Variants in CHD4 observed in about 807,000 individuals in gnomAD.
The protein encoded by CHD4 is ATP-dependent chromatin remodeler CHD4.
Under a neutral mutation model 235.5 loss-of-function variants are expected in CHD4, and 35 were observed. That is an observed-to-expected ratio of 0.15 (90% CI 0.11 to 0.20). The LOEUF is 0.20. CHD4 is among the 10% of genes least tolerant of loss of function. The pLI, the probability that CHD4 is intolerant of heterozygous loss-of-function variation, is 1.00. For missense variants in CHD4, 1,329 were observed against 2,432.3 expected, an observed-to-expected ratio of 0.55 and a Z score of 9.54; for synonymous variants, 900 against 850.2, an observed-to-expected ratio of 1.06 and a Z score of -1.02.
At chr12:6,602,326 G>A in intron 3 of CHD4, 50 bp downstream of exon 3, 1 of 1,610,314 alleles carries the variant, frequency 6.2e-7, no homozygotes, top group South Asian at 1.1e-5. Flanking sequence ...CCTTCTCAGA[G>A]CTCCTCCCTT....
chr12:6,588,795 T>C lies in CHD4; in HGVS notation c.3341-373A>G, dbSNP rs528997777. 5.7e-4 allele frequency among the ~76,000 whole-genome samples: 85 copies of C among 149,372 alleles called. No homozygotes were observed. The South Asian group carries it at 9.4e-3, about 17-fold the overall frequency. On this transcript the variant is annotated intron_variant, in intron 22 of 39. Coordinates refer to ENST00000544040, the MANE Select transcript of CHD4 (RefSeq NM_001273.5). ...ACTCCATCTCAAAAAAAAAAAAAAATTTAGCTGGGAATGGTGGCACACGCC... is the reference window on the plus strand; with the variant it reads ...ACTCCATCTCAAAAAAAAAAAAAAACTTAGCTGGGAATGGTGGCACACGCC...
In CHD4 at chr12:6,600,561, G is replaced by A. The variant is rs1565617550; in HGVS notation, c.1036C>T (p.Leu346Phe). 1.2e-6 allele frequency: 2 copies of A among 1,613,832 alleles called. No individual in the cohort carries two copies. Residue 346 changes from leucine to phenylalanine, a missense_variant, in exon 8 of 40, where the codon CTC becomes TTC. Leu to Phe is a conservative substitution (Grantham distance 22, BLOSUM62 0). Around this residue, in one of 26 missense-constraint regions of CHD4, gnomAD observed 160 missense variants for 196.6 expected, o/e 0.81. Coordinates refer to ENST00000544040, the MANE Select transcript of CHD4 (RefSeq NM_001273.5). ...TSRSSRSRKK[L>F]RTTKKKKKGE... ...TTCTTTTTCTTTTTAGTGGTTCGGA[G>A]TTTCTTGCGGCTGCGGCTACTACGG...
chr12:6,577,397 G>A (rs1362761004), intron 37 of CHD4, among the ~76,000 whole-genome samples: 4 of 146,662 alleles, frequency 2.7e-5, no homozygotes, highest in Non-Finnish European at 5.9e-5. Context: ...ATTCCAGCCT[G>A]GGCGACAGAG....
intron 22 of CHD4, among the ~76,000 whole-genome samples, chr12:6,590,396 TG>T (rs904850009): frequency 2.6e-5 from 4 of 152,242 alleles, no homozygotes; most frequent in African/African-American, 7.2e-5. Flanking sequence ...TTTTGATCAT[TG>T]TACTGCAGTT....
rs74058663 is a variant in CHD4, at chr12:6,593,335, C to A, written c.2514+81G>T. 2.0e-5 allele frequency: 32 copies of A among 1,596,988 alleles called. No individual in the cohort carries two copies. Among genetic ancestry groups the A allele is most frequent in the Middle Eastern group, 1.7e-4 (1 of 5,964 alleles). On this transcript the variant is annotated intron_variant, in intron 16 of 39. Coordinates refer to ENST00000544040, the MANE Select transcript of CHD4 (RefSeq NM_001273.5). The surrounding 1 kb of genome is among the most constrained non-coding windows in gnomAD (Gnocchi z 4.9). The stretch of plus-strand genomic sequence containing the variant: ...CTCCCAGGGTTACCCTTTTGCCTCA[C>A]CAGGGACCAGATCACAAGGAGGTAA...
chr12:6,581,232 AG>A (rs1444966935), intron 32 of CHD4, 58 bp downstream of exon 32: 2 of 1,612,672 alleles, frequency 1.2e-6, no homozygotes, highest in African/African-American at 2.7e-5. Context: ...AGCAACTAAA[AG>A]GAAGACTGGA....
In CHD4 at chr12:6,606,347, G is replaced by A. The variant is rs1470258181; in HGVS notation, c.27C>T (p.Ser9=). Residue 9 remains serine (S), a synonymous_variant, in exon 2 of 40, where the codon TCC becomes TCT. Transcript: ENST00000544040. ...CCTCCTCACTGCCCGCCGAGCAGGG[G>A]GACGGGGAGCCCAGGCCCGACGCCA... MASGLGSP[S]PCSAGSEEED... The A allele has an allele frequency of 3.8e-6, 6 of 1,571,542 alleles. No homozygotes were observed. The highest frequency in any genetic ancestry group is 1.4e-5 in the African/African-American group (1 of 71,252).
intron 2 of CHD4, among the ~76,000 whole-genome samples, chr12:6,605,988 C>T (rs1340040274): frequency 2.0e-5 from 3 of 152,218 alleles, no homozygotes; most frequent in African/African-American, 7.2e-5. Context: ...CGAGGACCCA[C>T]ATACCAGGTA....
At chr12:6,591,260 A>G in intron 22 of CHD4, 1 of 515,752 alleles carries the variant, frequency 1.9e-6, no homozygotes, top group Non-Finnish European at 3.4e-6. Flanking sequence ...TCTTCTTTCT[A>G]GCAGAAAGAA....
chr12:6,582,378 T>C, intron 29 of CHD4, 97 bp from the exon 30 acceptor site: 2 of 1,422,672 alleles, frequency 1.4e-6, no homozygotes, highest in Non-Finnish European at 1.9e-6. Context: ...GCAATAACTA[T>C]GGCTCCACCT....
intron 38 of CHD4, 164 bp downstream of exon 38, chr12:6,572,910 A>G: frequency 3.2e-6 from 2 of 625,952 alleles, no homozygotes; most frequent in Middle Eastern, 4.4e-4. Context: ...ACTGTCCTTG[A>G]TTGCCTCTAA....
At chr12:6,581,242 G>A in intron 32 of CHD4, 49 bp downstream of exon 32, 2 of 1,613,318 alleles carry the variant, frequency 1.2e-6, no homozygotes, top group East Asian at 2.2e-5. Context: ...AGGAAGACTG[G>A]ACTTACACAT....
At chr12:6,591,268 GAAC>G in intron 22 of CHD4, 195 bp downstream of exon 22, 1 of 519,954 alleles carries the variant, frequency 1.9e-6, no homozygotes, top group Non-Finnish European at 3.4e-6. Flanking sequence ...CTAGCAGAAA[GAAC>G]AAATACCCCA....
intron 37 of CHD4, among the ~76,000 whole-genome samples, chr12:6,573,948 G>A (rs1373875001): frequency 6.6e-6 from 1 of 152,054 alleles, no homozygotes; most frequent in African/African-American, 2.4e-5. Context: ...GCTTGAACCC[G>A]GGAGGCAAAG....
intron 38 of CHD4, chr12:6,571,333 C>G (rs184205109): frequency 2.8e-5 from 9 of 323,066 alleles, no homozygotes; most frequent in Admixed American, 4.6e-5. Context: ...TGTCTCCCCA[C>G]CTCCATTATA....
In CHD4 at chr12:6,573,018, G is replaced by A. The variant is rs1043376490; in HGVS notation, c.5557+56C>T. 9.3e-6 allele frequency: 14 copies of A among 1,500,298 alleles called. No homozygotes were observed. The African/African-American group carries it at 1.6e-4, about 17-fold the overall frequency. The allele number at this position is 1,500,298 out of a possible 1,614,324, so 92.9% of individuals were successfully genotyped here. On this transcript the variant is annotated intron_variant, in intron 38 of 39. Transcript: ENST00000544040. ...TTGAAAACAAATATATGTACATTAGGATGCAGTCAGATCAGGGAGGCCGAA... is the reference window on the plus strand; with the variant it reads ...TTGAAAACAAATATATGTACATTAGAATGCAGTCAGATCAGGGAGGCCGAA...
intron 23 of CHD4, 139 bp from the exon 24 acceptor site, chr12:6,588,088 T>A: frequency 8.9e-7 from 1 of 1,120,000 alleles, no homozygotes; most frequent in South Asian, 1.5e-5. Context: ...TTTGCACCCC[T>A]GCCTCCAGAC....
intron 3 of CHD4, 23 bp downstream of exon 3, chr12:6,602,353 G>T (rs71584864): frequency 1.9e-5 from 31 of 1,611,782 alleles, no homozygotes; most frequent in Admixed American, 5.1e-5. Flanking sequence ...CTGATTCCCC[G>T]TAACATTCAG....
chr12:6,573,483 C>A (rs548030036), intron 37 of CHD4: 5 of 360,794 alleles, frequency 1.4e-5, no homozygotes, highest in Admixed American at 4.7e-5. Context: ...AAACTCTTTA[C>A]CCTTTAGGTT....
Sources: gnomAD v4.1 joint callset for allele counts (sites outside exome capture counted in the v4.1 genomes callset) on GRCh38, gnomAD v4.1.1 for gene constraint, gnomAD v4.1.1 regional missense constraint, Gnocchi (gnomAD v3.1) non-coding constraint, MANE v1.5 for transcripts, NCBI Gene and HGNC (gene_info 2026-07-23, HGNC 2026-07-21) for gene names.